Variants in PRKN observed in about 807,000 individuals in gnomAD.
The protein encoded by PRKN is E3 ubiquitin-protein ligase parkin.
In PRKN, 56 loss-of-function variants were observed where a neutral mutation model predicts 59.5. The ratio of observed to expected loss-of-function variants is 0.94; its 90% CI spans 0.76 to 1.18. PRKN has a LOEUF of 1.18. Ranked by LOEUF, PRKN falls within the 50% of genes most tolerant of loss-of-function variation. PRKN has a pLI of 0.00. For missense variants in PRKN, 657 were observed against 596.4 expected (o/e 1.10, Z -1.06); for synonymous variants, 250 against 222.1 (o/e 1.13, Z -1.12).
At chr6:162,058,171 T>C (rs570561047) in intron 4 of PRKN, among the ~76,000 whole-genome samples, 34 of 152,342 alleles carry the variant, frequency 2.2e-4, no homozygotes, top group African/African-American at 7.9e-4. Flanking sequence ...ACATAAATCA[T>C]AATACACACT....
intron 6 of PRKN, among the ~76,000 whole-genome samples, chr6:161,964,352 G>C (rs1023224681): frequency 1.7e-4 from 26 of 151,958 alleles, no homozygotes; most frequent in Admixed American, 1.6e-3. Context: ...GTTATTGAAG[G>C]CTTTATGCAA....
chr6:162,260,421 T>A (rs1779840676), intron 3 of PRKN, among the ~76,000 whole-genome samples: 1 of 152,178 alleles, frequency 6.6e-6, no homozygotes, highest in Non-Finnish European at 1.5e-5. Context: ...ACATTTCAAT[T>A]TAAAAATATA....
At chr6:162,062,725 G>A (rs921415223) in intron 4 of PRKN, among the ~76,000 whole-genome samples, 1 of 152,142 alleles carries the variant, frequency 6.6e-6, no homozygotes, top group African/African-American at 2.4e-5. Flanking sequence ...CATTTCTATT[G>A]TTTACGCTTT....
chr6:162,530,076 G>A (rs1778448515), intron 1 of PRKN, among the ~76,000 whole-genome samples: 1 of 151,168 alleles, frequency 6.6e-6, no homozygotes, highest in Non-Finnish European at 1.5e-5. Flanking sequence ...GTTGCAGTGA[G>A]CCAAGATCAC....
intron 1 of PRKN, among the ~76,000 whole-genome samples, chr6:162,711,236 G>C (rs751236763): frequency 6.6e-5 from 10 of 152,166 alleles, no homozygotes; most frequent in Non-Finnish European, 1.0e-4. Context: ...TAAATGACTT[G>C]TCTGCTTTGC....
rs1198963703 is a variant in PRKN, at chr6:161,397,764, G to GAAACCCAGTACTGAGA, written c.1084-10903_1084-10888dup. Among the ~76,000 whole-genome samples, 4 of 152,170 alleles carry GAAACCCAGTACTGAGA rather than the reference G, an allele frequency of 2.6e-5. No homozygotes were observed. In the East Asian group the frequency reaches 5.8e-4, roughly 22 times the overall value. ...CAGAAGAGGATAGCACAGTGCTGAG[G>GAAACCCAGTACTGAGA]AAACCCAGTACTGAGAATGGAGAGG... On this transcript the variant is annotated intron_variant, in intron 9 of 11. Transcript: ENST00000366898. The surrounding 1 kb of genome is among the most constrained non-coding windows in gnomAD (Gnocchi z 4.2).
intron 9 of PRKN, among the ~76,000 whole-genome samples, chr6:161,481,617 C>A (rs1218201792): frequency 6.6e-6 from 1 of 151,596 alleles, no homozygotes; most frequent in East Asian, 1.9e-4. Flanking sequence ...AACAAAAAAA[C>A]AAAACAAACA....
At chr6:162,618,306 A>G (rs1257909184) in intron 1 of PRKN, among the ~76,000 whole-genome samples, 1 of 152,152 alleles carries the variant, frequency 6.6e-6, no homozygotes, top group Admixed American at 6.5e-5. Flanking sequence ...CAACTGCCAA[A>G]ATCCTACTAC....
At chr6:162,626,870 CAT>C (rs1279395645) in intron 1 of PRKN, among the ~76,000 whole-genome samples, 7 of 151,830 alleles carry the variant, frequency 4.6e-5, no homozygotes, top group South Asian at 2.1e-4. Context: ...AGTCCCTTCA[CAT>C]GTCTTTAACT....
At chr6:162,299,344 C>T (rs1252232739) in intron 2 of PRKN, among the ~76,000 whole-genome samples, 2 of 152,220 alleles carry the variant, frequency 1.3e-5, no homozygotes, top group Middle Eastern at 3.4e-3. Context: ...GAGTGTCTCT[C>T]CCGGTGGGTA....
At chr6:161,539,688 C>A (rs1014986150) in intron 9 of PRKN, among the ~76,000 whole-genome samples, 73 of 152,290 alleles carry the variant, frequency 4.8e-4, no homozygotes, top group African/African-American at 1.7e-3. Context: ...CTCAAACATT[C>A]TAGAAGGTTA....
intron 3 of PRKN, among the ~76,000 whole-genome samples, chr6:162,235,584 G>A (rs1302689805): frequency 1.3e-5 from 2 of 152,082 alleles, no homozygotes; most frequent in African/African-American, 4.8e-5. Context: ...AAGGCAGGTG[G>A]ATCATGAGGT....
At chr6:161,478,272 C>A (rs560663410) in intron 9 of PRKN, among the ~76,000 whole-genome samples, 1 of 152,196 alleles carries the variant, frequency 6.6e-6, no homozygotes, top group South Asian at 2.1e-4. Context: ...ACTTCTCATG[C>A]TATAGTTCCA....
At chr6:162,051,007 T>C (rs763251255) in intron 5 of PRKN, among the ~76,000 whole-genome samples, 1 of 152,080 alleles carries the variant, frequency 6.6e-6, no homozygotes, top group East Asian at 1.9e-4. Context: ...GCAAGTCCCA[T>C]ATGTGTTAGG....
At chr6:162,146,488 T>C (rs1426565237) in intron 4 of PRKN, among the ~76,000 whole-genome samples, 1 of 150,914 alleles carries the variant, frequency 6.6e-6, no homozygotes, top group African/African-American at 2.4e-5. Flanking sequence ...TACGTATGTA[T>C]ATATACACAT....
At position 161,566,846 on chromosome 6, in the gene PRKN, A is replaced by C. The variant is rs1290953385; in HGVS notation, c.933+2509T>G. On this transcript the variant is annotated intron_variant, in intron 8 of 11. Transcript: ENST00000366898. The surrounding 1 kb of genome is among the most constrained non-coding windows in gnomAD (Gnocchi z 4.1). ...GAATGTTAAAGCCAGGCACATGATC[A>C]CATTGGAGCCTCTGTTGTTGCTTCA... Among the ~76,000 whole-genome samples, 4 of 152,108 alleles carry C rather than the reference A, an allele frequency of 2.6e-5. No individual in the cohort carries two copies. The highest frequency in any genetic ancestry group is 5.9e-5 in the Non-Finnish European group (4 of 68,016).
intron 1 of PRKN, among the ~76,000 whole-genome samples, chr6:162,469,092 A>G (rs1475482759): frequency 6.6e-6 from 1 of 152,004 alleles, no homozygotes; most frequent in Non-Finnish European, 1.5e-5. Flanking sequence ...AATTTACAGT[A>G]CTCTATAAAA....
intron 5 of PRKN, among the ~76,000 whole-genome samples, chr6:162,033,830 GTTTA>G (rs1044276722): frequency 6.6e-6 from 1 of 151,844 alleles, no homozygotes; most frequent in Non-Finnish European, 1.5e-5. Context: ...TTTCTATCTT[GTTTA>G]TTTATTAATC....
chr6:162,200,659 T>C (rs1210564529), intron 4 of PRKN, among the ~76,000 whole-genome samples: 1 of 152,234 alleles, frequency 6.6e-6, no homozygotes, highest in Non-Finnish European at 1.5e-5. Context: ...TGCTGATCCA[T>C]ACTCTTTTTT....
Sources: allele counts gnomAD v4.1 joint callset (sites outside exome capture counted in the v4.1 genomes callset), GRCh38; gene constraint gnomAD v4.1.1; non-coding constraint Gnocchi (gnomAD v3.1); transcripts MANE v1.5; gene names NCBI Gene and HGNC (gene_info 2026-07-23, HGNC 2026-07-21).